The following VMP1 variants were observed in gnomAD, a reference collection of about 807,000 sequenced individuals.
The protein encoded by VMP1 is ectopic P-granules autophagy protein 3 homolog.
A neutral mutation model predicts 56.0 loss-of-function variants in VMP1; 11 were observed. That is an observed-to-expected ratio of 0.20 (90% CI 0.12 to 0.32). The LOEUF (loss-of-function observed/expected upper bound fraction) is 0.32. Among genes scored for constraint, VMP1 ranks in the 10% least tolerant of loss-of-function variants. The pLI is 1.00. For synonymous variants in VMP1, 149 were observed against 165.0 expected, an observed-to-expected ratio of 0.90 and a Z score of 0.74; for missense variants, 296 against 490.3, an observed-to-expected ratio of 0.60 and a Z score of 3.74.
At chr17:59,753,274 G>GAA (rs770381220) in intron 5 of VMP1, among the ~76,000 whole-genome samples, 1 of 141,946 alleles carries the variant, frequency 7.0e-6, no homozygotes, top group Non-Finnish European at 1.5e-5. Context: ...CCTGTCTCAA[G>GAA]AAAAAAAAAA....
intron 1 of VMP1, among the ~76,000 whole-genome samples, chr17:59,718,354 G>T (rs1204484960): frequency 6.8e-6 from 1 of 147,802 alleles, no homozygotes; most frequent in Non-Finnish European, 1.5e-5. Context: ...CTGCCACCAC[G>T]CCCGGCTGAT....
intron 5 of VMP1, among the ~76,000 whole-genome samples, chr17:59,752,660 C>G (rs777500024): frequency 1.3e-5 from 2 of 152,184 alleles, no homozygotes; most frequent in Non-Finnish European, 2.9e-5. Context: ...CATGTAACCA[C>G]TGGTATGTTC....
chr17:59,764,753 C>G (rs940875912), intron 5 of VMP1, among the ~76,000 whole-genome samples: 1 of 151,956 alleles, frequency 6.6e-6, no homozygotes, highest in Non-Finnish European at 1.5e-5. Context: ...TAAATTTTAC[C>G]TCAATAAATC....
At chr17:59,765,394 A>G (rs2036195092) in intron 6 of VMP1, among the ~76,000 whole-genome samples, 1 of 152,212 alleles carries the variant, frequency 6.6e-6, no homozygotes, top group African/African-American at 2.4e-5. Context: ...GGGAGTACAG[A>G]TGATGGAACC....
chr17:59,807,809 G>A (rs1357372379), intron 7 of VMP1, among the ~76,000 whole-genome samples: 5 of 137,712 alleles, frequency 3.6e-5, no homozygotes, highest in African/African-American at 1.3e-4. Context: ...TCCAGCCTGG[G>A]CAACAAGAGT....
intron 10 of VMP1, among the ~76,000 whole-genome samples, chr17:59,835,724 A>G (rs1001111972): frequency 6.6e-6 from 1 of 150,460 alleles, no homozygotes; most frequent in Non-Finnish European, 1.5e-5. Context: ...TCCCGACCTC[A>G]GGTGATCCGC....
In VMP1 at chr17:59,817,754, C is replaced by G. The variant is rs1477207311; in HGVS notation, c.955C>G (p.Gln319Glu). ...AACATTCAGCAAGCACATAGTGGAG[C>G]AAATGGTGGCTTTCATTGGGTAAGT... ...IITFSKHIVE[Q>E]MVAFIGAVPG... Residue 319 changes from glutamine to glutamate, a missense_variant, in exon 10 of 12, where the codon CAA becomes GAA. This residue lies in a region of VMP1 where 95 missense variants were observed against 137.6 expected (regional missense o/e 0.69). Coordinates refer to ENST00000262291, the MANE Select transcript of VMP1 (RefSeq NM_030938.5). 2 of 1,607,394 alleles carry G rather than the reference C, an allele frequency of 1.2e-6. No homozygotes were observed. The highest frequency in any genetic ancestry group is 1.7e-6 in the Non-Finnish European group (2 of 1,177,062).
At chr17:59,766,517 A>G (rs1568107652) in intron 6 of VMP1, among the ~76,000 whole-genome samples, 1 of 152,090 alleles carries the variant, frequency 6.6e-6, no homozygotes, top group Non-Finnish European at 1.5e-5. Flanking sequence ...ACAACAAGAA[A>G]ATATTATGTT....
chr17:59,746,224 G>A (rs1291736582), intron 5 of VMP1, among the ~76,000 whole-genome samples: 1 of 152,162 alleles, frequency 6.6e-6, no homozygotes, highest in African/African-American at 2.4e-5. Flanking sequence ...AGGCTGGAGT[G>A]CAGTGCTGTG....
chr17:59,731,336 G>A (rs1462470143), intron 1 of VMP1, 85 bp from the exon 2 acceptor site: 1 of 763,996 alleles, frequency 1.3e-6, no homozygotes, highest in East Asian at 3.3e-5. Context: ...TTACTGTGAT[G>A]TTATTCCTGT....
At chr17:59,817,650 G>T in intron 9 of VMP1, 62 bp from the exon 10 acceptor site, 1 of 1,282,392 alleles carries the variant, frequency 7.8e-7, no homozygotes, top group Non-Finnish European at 1.1e-6. Context: ...TACCAGAATT[G>T]TGAATTTATG....
intron 1 of VMP1, among the ~76,000 whole-genome samples, chr17:59,728,786 T>G (rs1458555702): frequency 6.6e-6 from 1 of 152,228 alleles, no homozygotes; most frequent in Non-Finnish European, 1.5e-5. Flanking sequence ...TAGTTCCTGC[T>G]GGTGACTATT....
intron 6 of VMP1, among the ~76,000 whole-genome samples, chr17:59,772,621 T>C (rs1027799431): frequency 1.3e-5 from 2 of 151,714 alleles, no homozygotes; most frequent in Non-Finnish European, 2.9e-5. Flanking sequence ...ATACAAAAAT[T>C]AGCCAGACGT....
chr17:59,795,147 G>C (rs1001361305), intron 7 of VMP1, among the ~76,000 whole-genome samples: 1 of 151,886 alleles, frequency 6.6e-6, no homozygotes, highest in Non-Finnish European at 1.5e-5. Context: ...AGCTAATTTC[G>C]TATTTTTAGT....
intron 5 of VMP1, among the ~76,000 whole-genome samples, chr17:59,751,784 ACAGAG>A (rs2035660209): frequency 6.7e-6 from 1 of 149,490 alleles, no homozygotes; most frequent in Admixed American, 6.7e-5. Flanking sequence ...ACCTAGGGCT[ACAGAG>A]CATACCTTCT....
chr17:59,716,731 C>A (rs2034166703), intron 1 of VMP1, among the ~76,000 whole-genome samples: 1 of 152,148 alleles, frequency 6.6e-6, no homozygotes, highest in Non-Finnish European at 1.5e-5. Flanking sequence ...AATCACTATA[C>A]AAAAGTAGTT....
intron 7 of VMP1, among the ~76,000 whole-genome samples, chr17:59,797,867 A>G (rs1482035508): frequency 1.3e-5 from 2 of 152,208 alleles, no homozygotes; most frequent in Non-Finnish European, 2.9e-5. Context: ...AGAGCAAAAC[A>G]CCATCTCAAA....
intron 1 of VMP1, among the ~76,000 whole-genome samples, chr17:59,723,603 G>A (rs919974044): frequency 2.0e-5 from 3 of 152,186 alleles, no homozygotes; most frequent in African/African-American, 7.2e-5. Flanking sequence ...TGATGAGTAA[G>A]TGGAGCCTGT....
chr17:59,736,611 G>A (rs904703311), intron 3 of VMP1, among the ~76,000 whole-genome samples: 1 of 151,858 alleles, frequency 6.6e-6, no homozygotes, highest in Non-Finnish European at 1.5e-5. Context: ...GGGCATGGTG[G>A]CGTGCGCCTG....
Sources: gnomAD v4.1 joint callset for allele counts (sites outside exome capture counted in the v4.1 genomes callset) on GRCh38, gnomAD v4.1.1 for gene constraint, gnomAD v4.1.1 regional missense constraint, MANE v1.5 for transcripts, NCBI Gene and HGNC (gene_info 2026-07-23, HGNC 2026-07-21) for gene names.